ZBTB20: variants seen among roughly 807,000 people sequenced by gnomAD.
ZBTB20 encodes the protein zinc finger and BTB domain containing 20.
ZBTB20 carries 9 observed loss-of-function variants against 56.9 expected under a neutral mutation model. The ratio of observed to expected loss-of-function variants is 0.16; its 90% confidence interval spans 0.10 to 0.28. ZBTB20 has a LOEUF of 0.28. Among genes scored for constraint, ZBTB20 ranks in the 10% least tolerant of loss-of-function variants. The pLI, the probability that ZBTB20 is intolerant of heterozygous loss-of-function variation, is 1.00. For missense variants in ZBTB20, 655 were observed against 1,003.0 expected (o/e 0.65, Z 4.69); for synonymous variants, 417 against 420.7 (o/e 0.99, Z 0.11).
At chr3:114,490,810 G>T (rs975222202) in intron 7 of ZBTB20, among the ~76,000 whole-genome samples, 1 of 152,182 alleles carries the variant, frequency 6.6e-6, no homozygotes, top group East Asian at 1.9e-4. Flanking sequence ...GCAGAGAGTA[G>T]ATATTTTTTG....
intron 5 of ZBTB20, among the ~76,000 whole-genome samples, chr3:114,776,556 A>G (rs73857571): frequency 0.011 from 1,695 of 152,298 alleles, 35 homozygotes; most frequent in African/African-American, 0.038. Flanking sequence ...TTCTCGCCCA[A>G]TGATACCGAT....
chr3:115,022,836 A>G (rs2080261719), intron 2 of ZBTB20, among the ~76,000 whole-genome samples: 1 of 151,108 alleles, frequency 6.6e-6, no homozygotes, highest in South Asian at 2.1e-4. Flanking sequence ...AATCATTGGA[A>G]TAAATATATT....
At chr3:114,387,930 C>A (rs1263019865) in intron 8 of ZBTB20, 1 of 152,234 alleles carries the variant, frequency 6.6e-6, no homozygotes, top group African/African-American at 2.4e-5. Flanking sequence ...CCCCCATCAA[C>A]TATGATTCAG....
At chr3:114,785,238 G>T (rs550533329) in intron 5 of ZBTB20, among the ~76,000 whole-genome samples, 11 of 152,242 alleles carry the variant, frequency 7.2e-5, no homozygotes, top group African/African-American at 2.6e-4. Context: ...TAGGCTTTGT[G>T]GGTCAAGAGG....
At chr3:114,959,652 C>A (rs112583116) in intron 3 of ZBTB20, among the ~76,000 whole-genome samples, 105 of 151,214 alleles carry the variant, frequency 6.9e-4, no homozygotes, top group Admixed American at 1.2e-3. Context: ...AGTAGTTGTT[C>A]TAGGTCAAAA....
rs2077739953 is a variant in ZBTB20, at chr3:114,968,469, T to C, written c.-456+5897A>G. ...CCAAGTGGACAGCTGATGGAGGAAA[T>C]AGCCTTTTACTGAACAAGGCTGAAG... On this transcript the variant is annotated intron_variant, in intron 3 of 11. Transcript: ENST00000675478. Among the ~76,000 whole-genome samples, 3 of 152,304 alleles carry C rather than the reference T, an allele frequency of 2.0e-5. No individual in the cohort carries two copies. In the South Asian group the frequency reaches 6.2e-4, roughly 32 times the overall value.
chr3:114,677,138 G>A (rs1043515010), intron 6 of ZBTB20, among the ~76,000 whole-genome samples: 1 of 152,052 alleles, frequency 6.6e-6, no homozygotes, highest in African/African-American at 2.4e-5. Flanking sequence ...GTCATCAGCT[G>A]GTAAATGTTC....
intron 6 of ZBTB20, among the ~76,000 whole-genome samples, chr3:114,611,738 C>A (rs182301370): frequency 6.6e-6 from 1 of 152,262 alleles, no homozygotes; most frequent in African/African-American, 2.4e-5. Context: ...GTCTTGATTG[C>A]TCTTTACTTA....
intron 3 of ZBTB20, among the ~76,000 whole-genome samples, chr3:114,913,839 G>C (rs140630107): frequency 2.6e-5 from 4 of 151,890 alleles, no homozygotes; most frequent in Admixed American, 1.3e-4. Flanking sequence ...TGAAGAGACT[G>C]CCCTTTCCCC....
At chr3:115,093,681 A>C (rs1028876584) in intron 1 of ZBTB20, among the ~76,000 whole-genome samples, 2 of 152,170 alleles carry the variant, frequency 1.3e-5, no homozygotes, top group Admixed American at 1.3e-4. Context: ...AAAGCTTCTT[A>C]TCAAAACAAA....
rs371982533 is a variant in ZBTB20, at chr3:114,587,548, AT to A, written c.-294-87158del. Among the ~76,000 whole-genome samples the A allele has an allele frequency of 8.2e-3, 1,253 of 152,340 alleles. 22 individuals carry two copies. Among genetic ancestry groups the A allele is most frequent in the African/African-American group, 0.027 (1,139 of 41,576 alleles). ...TGCCAGACACTATGTGTATTATACA[AT>A]TTACATGTGTAATTTAATCATTACA... On this transcript the variant is annotated intron_variant, in intron 6 of 11. Coordinates refer to ENST00000675478, the MANE Select transcript of ZBTB20 (RefSeq NM_001348800.3).
intron 5 of ZBTB20, among the ~76,000 whole-genome samples, chr3:114,699,290 A>T (rs1233319807): frequency 2.0e-5 from 3 of 152,172 alleles, no homozygotes; most frequent in Non-Finnish European, 4.4e-5. Flanking sequence ...TCTTTTAAAA[A>T]ATACTGAGAC....
intron 4 of ZBTB20, among the ~76,000 whole-genome samples, chr3:114,803,110 T>C (rs2071841467): frequency 1.3e-5 from 2 of 151,568 alleles, no homozygotes; most frequent in East Asian, 3.9e-4. Flanking sequence ...CCACTTTCAC[T>C]TTCTTTCTTA....
intron 2 of ZBTB20, among the ~76,000 whole-genome samples, chr3:114,993,839 A>C (rs2078919725): frequency 6.6e-6 from 1 of 151,816 alleles, no homozygotes; most frequent in African/African-American, 2.4e-5. Context: ...TTAGGATCTC[A>C]CTTAGCAAGT....
intron 3 of ZBTB20, among the ~76,000 whole-genome samples, chr3:114,916,597 CCTCAG>C (rs1463688684): frequency 1.8e-4 from 27 of 151,878 alleles, no homozygotes; most frequent in Admixed American, 1.6e-3. Flanking sequence ...TGATGAAATC[CCTCAG>C]CTTTTATTTG....
intron 7 of ZBTB20, among the ~76,000 whole-genome samples, chr3:114,410,710 G>A (rs540941692): frequency 1.3e-5 from 2 of 152,336 alleles, no homozygotes; most frequent in South Asian, 2.1e-4. Flanking sequence ...ATGTCACATC[G>A]TGGGGGTGAG....
intron 7 of ZBTB20, among the ~76,000 whole-genome samples, chr3:114,478,191 C>A (rs1400610751): frequency 1.3e-5 from 2 of 152,108 alleles, no homozygotes; most frequent in Non-Finnish European, 2.9e-5. Context: ...GTCTCGAACT[C>A]CTGACCTCAG....
chr3:115,011,181 C>A (rs376389039), intron 2 of ZBTB20, among the ~76,000 whole-genome samples: 1 of 151,602 alleles, frequency 6.6e-6, no homozygotes. Context: ...AAACAGGAAA[C>A]CTGATTATTG....
intron 7 of ZBTB20, among the ~76,000 whole-genome samples, chr3:114,413,077 T>G (rs1439531497): frequency 6.6e-6 from 1 of 152,042 alleles, no homozygotes; most frequent in African/African-American, 2.4e-5. Context: ...AACTCATGGG[T>G]GGGATACTTT....
Sources: allele counts gnomAD v4.1 joint callset (sites outside exome capture counted in the v4.1 genomes callset), GRCh38; gene constraint gnomAD v4.1.1; transcripts MANE v1.5; gene names NCBI Gene and HGNC (gene_info 2026-07-23, HGNC 2026-07-21).